GRIA2: variants seen among roughly 807,000 people sequenced by gnomAD.
GRIA2 encodes the protein glutamate receptor 2.
Under a neutral mutation model 97.3 loss-of-function variants are expected in GRIA2, and 14 were observed. That is an observed-to-expected ratio of 0.14 (90% CI 0.10 to 0.23). The LOEUF (loss-of-function observed/expected upper bound fraction) is 0.23, where lower values mean the gene tolerates loss of function less well. Among genes scored for constraint, GRIA2 ranks in the 10% least tolerant of loss-of-function variants. GRIA2 has a pLI of 1.00. For missense variants in GRIA2, 558 were observed against 1,069.8 expected, an observed-to-expected ratio of 0.52 and a Z score of 6.67; for synonymous variants, 412 against 387.8, an observed-to-expected ratio of 1.06 and a Z score of -0.73.
At chr4:157,269,299 G>A (rs1489769657) in intron 2 of GRIA2, among the ~76,000 whole-genome samples, 2 of 152,004 alleles carry the variant, frequency 1.3e-5, no homozygotes, top group Non-Finnish European at 2.9e-5. Flanking sequence ...ACACTGGAAT[G>A]ACCTACCTAT....
chr4:157,289,438 T>C (rs972343006), intron 2 of GRIA2, among the ~76,000 whole-genome samples: 3 of 151,824 alleles, frequency 2.0e-5, no homozygotes, highest in African/African-American at 4.8e-5. Context: ...TGTAAATACA[T>C]TGATTACATT....
At chr4:157,225,612 T>G (rs537105680) in intron 2 of GRIA2, among the ~76,000 whole-genome samples, 1 of 129,810 alleles carries the variant, frequency 7.7e-6, no homozygotes, top group Non-Finnish European at 1.6e-5. Context: ...CTGCTTTTTT[T>G]CATGTTAACT....
intron 2 of GRIA2, among the ~76,000 whole-genome samples, chr4:157,257,092 A>T (rs938451560): frequency 6.6e-6 from 1 of 152,102 alleles, no homozygotes; most frequent in Non-Finnish European, 1.5e-5. Context: ...TTATGCTTTC[A>T]AAATAACCCA....
chr4:157,259,302 G>A (rs113713381), intron 2 of GRIA2, among the ~76,000 whole-genome samples: 1 of 152,114 alleles, frequency 6.6e-6, no homozygotes, highest in African/African-American at 2.4e-5. Flanking sequence ...TATAAATTAT[G>A]GAGCTTCAAA....
At chr4:157,359,862 C>T in intron 12 of GRIA2, 34 bp from the exon 13 acceptor site, 1 of 1,598,944 alleles carries the variant, frequency 6.3e-7, no homozygotes, top group Non-Finnish European at 8.6e-7. Context: ...AGGGCCATCT[C>T]TTAATGCTAT....
intron 2 of GRIA2, among the ~76,000 whole-genome samples, chr4:157,279,923 A>T (rs757928825): frequency 1.3e-5 from 2 of 152,034 alleles, no homozygotes; most frequent in Non-Finnish European, 1.5e-5. Context: ...TCAGGAGTTC[A>T]AGACCAGCCT....
intron 2 of GRIA2, among the ~76,000 whole-genome samples, chr4:157,276,798 TG>T (rs1305424898): frequency 6.6e-6 from 1 of 151,910 alleles, no homozygotes; most frequent in Non-Finnish European, 1.5e-5. Flanking sequence ...CTATATTAAA[TG>T]GAATTATAAT....
chr4:157,270,661 G>A (rs181156365), intron 2 of GRIA2, among the ~76,000 whole-genome samples: 31 of 152,128 alleles, frequency 2.0e-4, no homozygotes, highest in East Asian at 1.7e-3. Context: ...ACACACAAGC[G>A]AACTGATTGT....
At chr4:157,305,238 C>T (rs1465629899) in intron 3 of GRIA2, among the ~76,000 whole-genome samples, 1 of 151,906 alleles carries the variant, frequency 6.6e-6, no homozygotes, top group East Asian at 1.9e-4. Flanking sequence ...TTCTTAATAC[C>T]TCTTTCATCC....
intron 2 of GRIA2, among the ~76,000 whole-genome samples, chr4:157,274,906 T>C (rs1273059806): frequency 6.6e-6 from 1 of 150,978 alleles, no homozygotes; most frequent in African/African-American, 2.4e-5. Flanking sequence ...CTGGGTCAAA[T>C]GGTATTTCTA....
Position 157,350,930 on chromosome 4 carries a change from TC to T in GRIA2, c.2044-8965del, listed in dbSNP as rs371866169. ...CCTGTTTAATTTTACATTAGTTTTTTCTTTTTTTTTTTTTTTTTGCTCATTG... is the reference window on the plus strand; with the variant it reads ...CCTGTTTAATTTTACATTAGTTTTTTTTTTTTTTTTTTTTTTTGCTCATTG... On this transcript the variant is annotated intron_variant, in intron 12 of 15. Transcript: ENST00000264426. Among the ~76,000 whole-genome samples, 66 of 149,934 alleles carry T rather than the reference TC, an allele frequency of 4.4e-4. 1 individual carries two copies. Among genetic ancestry groups the T allele is most frequent in the Admixed American group, 4.3e-3 (65 of 15,018 alleles).
intron 12 of GRIA2, among the ~76,000 whole-genome samples, chr4:157,355,632 T>TTA (rs1236425782): frequency 7.3e-6 from 1 of 137,308 alleles, no homozygotes; most frequent in Non-Finnish European, 1.5e-5. Flanking sequence ...ATATATTTAT[T>TTA]TATATATATT....
intron 6 of GRIA2, among the ~76,000 whole-genome samples, chr4:157,322,724 T>C (rs1253279568): frequency 1.3e-5 from 2 of 152,172 alleles, no homozygotes; most frequent in African/African-American, 2.4e-5. Context: ...AGTTGAAAAA[T>C]TGTATAGTAA....
intron 2 of GRIA2, among the ~76,000 whole-genome samples, chr4:157,237,515 A>C (rs2126708398): frequency 6.6e-6 from 1 of 152,184 alleles, no homozygotes; most frequent in East Asian, 1.9e-4. Flanking sequence ...CCTGGCCTCA[A>C]GCAATCCTTC....
chr4:157,306,588 T>G (rs889912758), intron 3 of GRIA2, among the ~76,000 whole-genome samples: 1 of 152,176 alleles, frequency 6.6e-6, no homozygotes, highest in Non-Finnish European at 1.5e-5. Context: ...TGTTTTAATG[T>G]GAAAAATATT....
chr4:157,261,081 G>A (rs1731509034), intron 2 of GRIA2, among the ~76,000 whole-genome samples: 1 of 152,040 alleles, frequency 6.6e-6, no homozygotes, highest in African/African-American at 2.4e-5. Flanking sequence ...CTGAGACTGG[G>A]TATTTATAAA....
At chr4:157,360,759 T>C (rs1214937821) in intron 13 of GRIA2, 2 of 546,680 alleles carry the variant, frequency 3.7e-6, no homozygotes, top group Non-Finnish European at 7.0e-6. Context: ...TGTGAGTACA[T>C]TGCTGTAGAA....
chr4:157,222,671 C>G (rs113355100), intron 2 of GRIA2, among the ~76,000 whole-genome samples: 1 of 152,166 alleles, frequency 6.6e-6, no homozygotes, highest in African/African-American at 2.4e-5. Context: ...GGGATCTGGC[C>G]GAGTTTGAAA....
At chr4:157,336,282 A>T in intron 10 of GRIA2, 95 bp from the exon 11 acceptor site, 1 of 988,284 alleles carries the variant, frequency 1.0e-6, no homozygotes. Context: ...CATTTTTCTG[A>T]TTTCCTCTCC....
Sources: allele counts gnomAD v4.1 joint callset (sites outside exome capture counted in the v4.1 genomes callset), GRCh38; gene constraint gnomAD v4.1.1; transcripts MANE v1.5; gene names NCBI Gene and HGNC (gene_info 2026-07-23, HGNC 2026-07-21).